Variants in DOCK3 observed in about 807,000 individuals in gnomAD.
The protein encoded by DOCK3 is dedicator of cytokinesis protein 3.
DOCK3 carries 60 observed loss-of-function variants against 265.6 expected under a neutral mutation model. The ratio of observed to expected loss-of-function variants is 0.23; its 90% CI spans 0.18 to 0.28. The LOEUF (loss-of-function observed/expected upper bound fraction) is 0.28, where lower values mean the gene tolerates loss of function less well. DOCK3 is among the 10% of genes least tolerant of loss of function. The probability of loss-of-function intolerance (pLI) is 1.00; values close to 1 mark genes in which losing one functional copy is unlikely to be tolerated. For missense variants in DOCK3, 1,981 were observed against 2,594.3 expected (o/e 0.76, Z 5.14); for synonymous variants, 881 against 938.0 (o/e 0.94, Z 1.11).
At chr3:50,833,818 A>T (rs940996129) in intron 2 of DOCK3, among the ~76,000 whole-genome samples, 8 of 152,222 alleles carry the variant, frequency 5.3e-5, no homozygotes, top group Non-Finnish European at 1.0e-4. Flanking sequence ...TTCTTACTGC[A>T]CTTATGCAAA....
At chr3:50,759,514 A>C (rs2040399940) in intron 1 of DOCK3, among the ~76,000 whole-genome samples, 1 of 151,918 alleles carries the variant, frequency 6.6e-6, no homozygotes, top group South Asian at 2.1e-4. Flanking sequence ...TCTTTGCAAA[A>C]ATGCCTACTC....
intron 3 of DOCK3, among the ~76,000 whole-genome samples, chr3:50,887,716 A>G (rs2048413054): frequency 7.8e-6 from 1 of 128,052 alleles, no homozygotes; most frequent in Non-Finnish European, 1.6e-5. Flanking sequence ...CAACATACAC[A>G]AATCAATAAA....
intron 22 of DOCK3, among the ~76,000 whole-genome samples, chr3:51,252,101 C>T (rs2079279529): frequency 6.6e-6 from 1 of 152,172 alleles, no homozygotes; most frequent in South Asian, 2.1e-4. Context: ...TTTCCCAGCA[C>T]CATTTATTAA....
At chr3:50,906,376 G>C (rs1320208621) in intron 4 of DOCK3, among the ~76,000 whole-genome samples, 2 of 151,748 alleles carry the variant, frequency 1.3e-5, no homozygotes, top group African/African-American at 4.8e-5. Context: ...AAATTTGGCT[G>C]TGAATCCGTC....
At position 50,906,126 on chromosome 3, in the gene DOCK3, T is replaced by G. The variant is rs149756760; in HGVS notation, c.218+16045T>G. ...CAGAGATAAAGCCCACTTGATCATT[T>G]TGGATAAGCTTTTTGATGTGCTGCT... On this transcript the variant is annotated intron_variant, in intron 4 of 52. Transcript: ENST00000266037. Among the ~76,000 whole-genome samples, 1,010 of 152,018 alleles carry G rather than the reference T, an allele frequency of 6.6e-3. 13 individuals are homozygous for G. Among genetic ancestry groups the G allele is most frequent in the African/African-American group, 0.023 (941 of 41,418 alleles).
chr3:51,281,552 G>A (rs2081118660), intron 27 of DOCK3, among the ~76,000 whole-genome samples: 1 of 151,926 alleles, frequency 6.6e-6, no homozygotes, highest in African/African-American at 2.4e-5. Flanking sequence ...CTTGCCTTAT[G>A]GTCAAATCTA....
At chr3:51,054,120 CTAAAAAAAA>C (rs1420597651) in intron 5 of DOCK3, among the ~76,000 whole-genome samples, 197 of 57,154 alleles carry the variant, frequency 3.4e-3, no homozygotes, top group Non-Finnish European at 5.0e-3. Flanking sequence ...CCGTAGCTTC[CTAAAAAAAA>C]AAAAAAAAAA....
intron 1 of DOCK3, among the ~76,000 whole-genome samples, chr3:50,685,134 A>G (rs1434849791): frequency 1.3e-5 from 2 of 152,140 alleles, no homozygotes; most frequent in Non-Finnish European, 2.9e-5. Context: ...TACTTTGAAC[A>G]TGTTCTAATA....
intron 7 of DOCK3, among the ~76,000 whole-genome samples, chr3:51,078,460 G>A (rs2109405510): frequency 6.6e-6 from 1 of 152,242 alleles, no homozygotes; most frequent in Non-Finnish European, 1.5e-5. Context: ...ACATGGATAT[G>A]AGTCTCCAGA....
At chr3:51,352,383 GT>G (rs2086054017) in intron 40 of DOCK3, among the ~76,000 whole-genome samples, 1 of 152,174 alleles carries the variant, frequency 6.6e-6, no homozygotes, top group Non-Finnish European at 1.5e-5. Context: ...AGTCCAACCT[GT>G]TTCCCACCCT....
chr3:51,172,764 A>G (rs2107645715), intron 12 of DOCK3, among the ~76,000 whole-genome samples: 1 of 151,948 alleles, frequency 6.6e-6, no homozygotes, highest in African/African-American at 2.4e-5. Context: ...TAATTTTTAT[A>G]CTGGTATACT....
intron 10 of DOCK3, among the ~76,000 whole-genome samples, chr3:51,152,706 G>C (rs2085662379): frequency 6.6e-6 from 1 of 152,200 alleles, no homozygotes; most frequent in African/African-American, 2.4e-5. Flanking sequence ...TGTTGATGTT[G>C]ATGCTATTCC....
chr3:50,866,151 T>C (rs1421913736), intron 3 of DOCK3, among the ~76,000 whole-genome samples: 1 of 152,166 alleles, frequency 6.6e-6, no homozygotes, highest in African/African-American at 2.4e-5. Context: ...CGTTTGTCCA[T>C]TTTTTCTTTT....
chr3:51,054,120 CTA>C (rs1491346020), intron 5 of DOCK3, among the ~76,000 whole-genome samples: 12 of 57,154 alleles, frequency 2.1e-4, no homozygotes, highest in African/African-American at 2.3e-4. Flanking sequence ...CCGTAGCTTC[CTA>C]AAAAAAAAAA....
rs576811684 is a variant in DOCK3 at position 51,142,380 on chromosome 3, G to A, written c.747-4169G>A. On this transcript the variant is annotated intron_variant, in intron 9 of 52. Coordinates refer to ENST00000266037, the MANE Select transcript of DOCK3 (RefSeq NM_004947.5). ...CATCACTCTCAAAAAGTTCCCTCAT[G>A]TACCTTTGCAGTCAGTCCCTACCCT... Among the ~76,000 whole-genome samples, 4 of 152,212 alleles carry A rather than the reference G, an allele frequency of 2.6e-5. No individual in the cohort carries two copies. In the East Asian group the frequency reaches 7.7e-4, roughly 29 times the overall value.
At chr3:51,352,093 A>G (rs964802374) in intron 40 of DOCK3, among the ~76,000 whole-genome samples, 2 of 152,226 alleles carry the variant, frequency 1.3e-5, no homozygotes, top group Non-Finnish European at 2.9e-5. Context: ...GAAGTGGTGG[A>G]AGTCAGCAAA....
chr3:50,818,968 A>C (rs553830703), intron 2 of DOCK3, among the ~76,000 whole-genome samples: 1 of 152,312 alleles, frequency 6.6e-6, no homozygotes, highest in East Asian at 1.9e-4. Flanking sequence ...TCCTGGGCTC[A>C]TAATTCTAAA....
At chr3:51,249,817 C>T (rs1490615714) in intron 22 of DOCK3, among the ~76,000 whole-genome samples, 16 of 147,194 alleles carry the variant, frequency 1.1e-4, no homozygotes, top group Non-Finnish European at 1.7e-4. Flanking sequence ...ACAATGGCGG[C>T]TTTGTGGAAT....
At position 50,675,363 on chromosome 3, in the gene DOCK3, C is replaced by T; in HGVS notation, c.37+63C>T. The T allele has an allele frequency of 8.6e-7, 1 of 1,165,690 alleles. No homozygotes were observed. The highest frequency in any genetic ancestry group is 1.1e-6 in the Non-Finnish European group (1 of 933,430). 72.2% of individuals were successfully genotyped at this position (1,165,690 alleles called of 1,614,324 possible). On this transcript the variant is annotated intron_variant, in intron 1 of 52. Coordinates refer to ENST00000266037, the MANE Select transcript of DOCK3 (RefSeq NM_004947.5). The surrounding 1 kb of genome is among the most constrained non-coding windows in gnomAD (Gnocchi z 6.1). ...GGGGGACGCGCCCAGCTCCCGGCCC[C>T]GCCTGGATTCGCATCCTCGTGCCCC...
Sources: allele counts gnomAD v4.1 joint callset (sites outside exome capture counted in the v4.1 genomes callset), GRCh38; gene constraint gnomAD v4.1.1; non-coding constraint Gnocchi (gnomAD v3.1); transcripts MANE v1.5; gene names NCBI Gene and HGNC (gene_info 2026-07-23, HGNC 2026-07-21).